Variants in ABCB11 observed in about 807,000 individuals in gnomAD.
The protein encoded by ABCB11 is bile salt export pump.
A neutral mutation model predicts 148.0 loss-of-function variants in ABCB11; 95 were observed. That is an observed-to-expected ratio of 0.64 (90% CI 0.54 to 0.76). The LOEUF is 0.76. Ranked by LOEUF, ABCB11 falls within the 30% of genes least tolerant of loss-of-function variation. The pLI is 0.00. For missense variants in ABCB11, 1,523 were observed against 1,617.8 expected (o/e 0.94, Z 1.01); for synonymous variants, 591 against 555.4 (o/e 1.06, Z -0.90).
chr2:168,983,402 G>A (rs1459165094), intron 10 of ABCB11, among the ~76,000 whole-genome samples: 5 of 152,092 alleles, frequency 3.3e-5, no homozygotes, highest in African/African-American at 9.7e-5. Context: ...TACTTCAGTG[G>A]CTTTTCCAAT....
chr2:168,939,486 G>T (rs1691972163), intron 21 of ABCB11, among the ~76,000 whole-genome samples: 3 of 151,940 alleles, frequency 2.0e-5, no homozygotes, highest in African/African-American at 7.2e-5. Flanking sequence ...TTATATTAGG[G>T]ATATTAATAT....
chr2:168,993,933 T>C, intron 7 of ABCB11, 51 bp from the exon 8 acceptor site: 1 of 1,440,376 alleles, frequency 6.9e-7, no homozygotes, highest in East Asian at 2.4e-5. Context: ...ATCATTCAAA[T>C]ATCTTGCTGA....
intron 22 of ABCB11, 131 bp downstream of exon 22, chr2:168,936,099 G>T: frequency 1.2e-6 from 1 of 849,972 alleles, no homozygotes; most frequent in Non-Finnish European, 1.8e-6. Context: ...AAAGGGTGGT[G>T]GAAGGTTCTT....
intron 5 of ABCB11, among the ~76,000 whole-genome samples, chr2:169,012,200 G>A (rs1361548625): frequency 6.6e-6 from 1 of 152,108 alleles, no homozygotes; most frequent in African/African-American, 2.4e-5. Context: ...GCCATTCCTA[G>A]TGTCTTTCTA....
At chr2:168,976,482 G>C in intron 12 of ABCB11, 95 bp downstream of exon 12, 2 of 682,898 alleles carry the variant, frequency 2.9e-6, no homozygotes, top group South Asian at 5.0e-5. Context: ...ACTGGAAACA[G>C]AGTCAGGCTT....
At chr2:168,976,028 A>G (rs1693887778) in intron 12 of ABCB11, among the ~76,000 whole-genome samples, 1 of 152,002 alleles carries the variant, frequency 6.6e-6, no homozygotes, top group Admixed American at 6.6e-5. Context: ...TAAAGGCAGG[A>G]AATAATTTTT....
In ABCB11 at chr2:169,005,972, G is replaced by A. The variant is rs191439386; in HGVS notation, c.389+7300C>T. ...TGACTTCACTGAAGAATTCTACAAA[G>A]CATTTAAAGAACTAATACCAATTCT... On this transcript the variant is annotated intron_variant, in intron 5 of 27. Transcript: ENST00000650372. 5.9e-4 allele frequency among the ~76,000 whole-genome samples: 90 copies of A among 152,184 alleles called. 1 individual carries two copies. Among genetic ancestry groups the A allele is most frequent in the African/African-American group, 2.0e-3 (85 of 41,532 alleles).
rs187619218 is a variant in ABCB11 at position 169,014,418 on chromosome 2, G to C, written c.99-64C>G. The C allele has an allele frequency of 5.9e-4, 882 of 1,486,120 alleles. 1 individual carries two copies. Among genetic ancestry groups the C allele is most frequent in the Middle Eastern group, 1.1e-3 (6 of 5,700 alleles). 92.1% of individuals were successfully genotyped at this position (1,486,120 alleles called of 1,614,324 possible). ...CCAATACAATGGGAAATTCTCCCTA[G>C]GTGGTGATTTTATGAGTTATTCTTT... is the stretch of plus-strand genomic sequence containing the variant. On this transcript the variant is annotated intron_variant, in intron 3 of 27. Transcript: ENST00000650372.
Position 168,973,870 on chromosome 2 carries a change from GA to G in ABCB11, c.1309-31del, listed in dbSNP as rs34313070. ...AGAAGAAAGAAAACAGCAAAGTTCA[GA>G]TTGTCACTGTTTACCAAATCAAACA... On this transcript the variant is annotated intron_variant, in intron 12 of 27. Coordinates refer to ENST00000650372, the MANE Select transcript of ABCB11 (RefSeq NM_003742.4). 8.9e-4 allele frequency: 1,438 copies of G among 1,606,718 alleles called. 11 individuals are homozygous for G. In the African/African-American group the frequency reaches 0.017, roughly 19 times the overall value.
At chr2:168,969,961 C>CAG in intron 15 of ABCB11, 84 bp downstream of exon 15, 1 of 690,982 alleles carries the variant, frequency 1.4e-6, no homozygotes, top group Non-Finnish European at 2.5e-6. Flanking sequence ...TCCCATCCCT[C>CAG]CCACCCCACA....
intron 14 of ABCB11, chr2:168,970,620 T>C (rs887356689): frequency 3.2e-6 from 1 of 315,768 alleles, no homozygotes; most frequent in East Asian, 8.5e-5. Flanking sequence ...ACATTATGAA[T>C]AAAAGGTCAA....
intron 6 of ABCB11, among the ~76,000 whole-genome samples, chr2:168,995,858 C>T (rs181414298): frequency 3.6e-4 from 54 of 151,300 alleles, no homozygotes; most frequent in African/African-American, 1.2e-3. Flanking sequence ...AATTTCCTCC[C>T]GGAAAGACCT....
chr2:169,010,415 G>A (rs566740463), intron 5 of ABCB11, among the ~76,000 whole-genome samples: 1 of 151,902 alleles, frequency 6.6e-6, no homozygotes, highest in Non-Finnish European at 1.5e-5. Flanking sequence ...CATCTGGAAG[G>A]CTTTAACTTA....
chr2:169,011,479 GA>G (rs1240963419), intron 5 of ABCB11, among the ~76,000 whole-genome samples: 1 of 152,256 alleles, frequency 6.6e-6, no homozygotes, highest in East Asian at 1.9e-4. Flanking sequence ...TCCAATTTTA[GA>G]AAAGAAACAT....
intron 23 of ABCB11, 28 bp from the exon 24 acceptor site, chr2:168,932,561 G>T: frequency 6.2e-7 from 1 of 1,609,468 alleles, no homozygotes; most frequent in Non-Finnish European, 8.5e-7. Flanking sequence ...CACAGGAAGA[G>T]AGCAGGGTGG....
chr2:168,919,672 GGAGTA>G (rs371525491), downstream of ABCB11, among the ~76,000 whole-genome samples: 173 of 151,950 alleles, frequency 1.1e-3, no homozygotes, highest in African/African-American at 4.0e-3. Context: ...GAAAAGATGG[GGAGTA>G]GAGGTGTTGA....
In ABCB11 at chr2:168,977,056, T is replaced by G. The variant is rs116504656; in HGVS notation, c.1198-369A>C. On this transcript the variant is annotated intron_variant, in intron 11 of 27. Transcript: ENST00000650372. ...TAATTTATTTAATTGTTATTATTTA[T>G]CATGTTGTTACTGAGATATTATATA... 5.1e-3 allele frequency among the ~76,000 whole-genome samples: 758 copies of G among 148,310 alleles called. 3 individuals are homozygous for G. Among genetic ancestry groups the G allele is most frequent in the African/African-American group, 0.017 (710 of 40,740 alleles).
At chr2:169,005,588 G>A (rs1192582278) in intron 5 of ABCB11, among the ~76,000 whole-genome samples, 1 of 152,124 alleles carries the variant, frequency 6.6e-6, no homozygotes, top group African/African-American at 2.4e-5. Flanking sequence ...TTTCCAGGCA[G>A]CCAGTGACCA....
chr2:169,018,000 G>T (rs1695416218), intron 2 of ABCB11, 50 bp downstream of exon 2: 2 of 1,500,158 alleles, frequency 1.3e-6, no homozygotes, highest in Non-Finnish European at 1.9e-6. Flanking sequence ...TCCTACTTTT[G>T]TTCTCACCTC....
Sources: gnomAD v4.1 joint callset for allele counts (sites outside exome capture counted in the v4.1 genomes callset) on GRCh38, gnomAD v4.1.1 for gene constraint, MANE v1.5 for transcripts, NCBI Gene and HGNC (gene_info 2026-07-23, HGNC 2026-07-21) for gene names.